The following PALD1 variants were observed in gnomAD, a reference collection of about 807,000 sequenced individuals.
The protein encoded by PALD1 is phosphatase domain containing paladin 1.
Under a neutral mutation model 96.0 loss-of-function variants are expected in PALD1, and 57 were observed. The observed-to-expected ratio is 0.59, with a 90% CI of 0.48 to 0.74. The LOEUF (loss-of-function observed/expected upper bound fraction) is 0.74. PALD1 is among the 30% of genes least tolerant of loss of function. The pLI is 0.00. For missense variants in PALD1, 1,063 were observed against 1,143.7 expected (o/e 0.93, Z 1.02); for synonymous variants, 464 against 473.6 (o/e 0.98, Z 0.26).
At chr10:70,556,022 C>G (rs1393208841) in intron 18 of PALD1, among the ~76,000 whole-genome samples, 7 of 151,862 alleles carry the variant, frequency 4.6e-5, no homozygotes, top group African/African-American at 1.2e-4. Context: ...AAACAAAAAC[C>G]CTGGCTGCCA....
At position 70,526,083 on chromosome 10, in the gene PALD1, T is replaced by A; in HGVS notation, c.132T>A (p.His44Gln). ...ACTCCTTCCAGAGCACTAGCTTGCATAACAGCAAGGCCAAGTCCATCATCC... is the reference window on the plus strand; with the variant it reads ...ACTCCTTCCAGAGCACTAGCTTGCAAAACAGCAAGGCCAAGTCCATCATCC... ...SIHSFQSTSL[H>Q]NSKAKSIIPN... is the part of the protein sequence containing the mutation. Residue 44 changes from histidine (H) to glutamine (Q), a missense_variant, in exon 2 of 20, where the codon CAT becomes CAA. By Grantham distance (24) the His-to-Gln change is conservative. Coordinates refer to ENST00000263563, the MANE Select transcript of PALD1 (RefSeq NM_014431.3). The A allele has an allele frequency of 6.2e-7, 1 of 1,614,204 alleles. No individual in the cohort carries two copies. Among genetic ancestry groups the A allele is most frequent in the Non-Finnish European group, 8.5e-7 (1 of 1,180,028 alleles).
At chr10:70,518,256 G>GTTCATGCGTTCA (rs1348991083) in intron 1 of PALD1, among the ~76,000 whole-genome samples, 3 of 152,216 alleles carry the variant, frequency 2.0e-5, no homozygotes, top group African/African-American at 7.2e-5. Context: ...CTGTTCACCA[G>GTTCATGCGTTCA]TTGATGGACA....
At chr10:70,534,160 G>A (rs1485249383) in intron 8 of PALD1, 87 bp downstream of exon 8, 4 of 1,388,612 alleles carry the variant, frequency 2.9e-6, no homozygotes, top group Non-Finnish European at 3.8e-6. Flanking sequence ...ATGTCTAGGA[G>A]CCCAGAGCCA....
intron 18 of PALD1, among the ~76,000 whole-genome samples, chr10:70,559,070 C>T (rs1847677266): frequency 6.6e-6 from 1 of 152,174 alleles, no homozygotes; most frequent in African/African-American, 2.4e-5. Flanking sequence ...AGCTTATCTG[C>T]TTTCTCTCTT....
intron 1 of PALD1, among the ~76,000 whole-genome samples, chr10:70,495,192 C>G (rs921706667): frequency 8.5e-5 from 13 of 152,256 alleles, no homozygotes; most frequent in Non-Finnish European, 1.5e-4. Context: ...TGTCTTCATA[C>G]GTCGGCATAG....
chr10:70,519,734 C>T (rs552334416), intron 1 of PALD1, among the ~76,000 whole-genome samples: 10 of 152,066 alleles, frequency 6.6e-5, no homozygotes, highest in South Asian at 6.2e-4. Flanking sequence ...GCTACCACGC[C>T]GGGCTAATTT....
upstream of PALD1, among the ~76,000 whole-genome samples, chr10:70,476,716 T>C (rs535699188): frequency 2.8e-4 from 42 of 152,096 alleles, no homozygotes; most frequent in African/African-American, 9.9e-4. Flanking sequence ...ACACCTACTG[T>C]GTGTGTGGTG....
At chr10:70,480,303 G>C (rs1845906826) in intron 1 of PALD1, among the ~76,000 whole-genome samples, 1 of 152,210 alleles carries the variant, frequency 6.6e-6, no homozygotes, top group African/African-American at 2.4e-5. Flanking sequence ...CTGGGGTTTG[G>C]GGTCTAGAGC....
upstream of PALD1, among the ~76,000 whole-genome samples, chr10:70,474,855 G>A (rs1239819086): frequency 6.6e-6 from 1 of 152,192 alleles, no homozygotes; most frequent in African/African-American, 2.4e-5. Context: ...CCCAGGGCCT[G>A]GCAGGGAAGG....
chr10:70,541,068 G>T (rs779300087), intron 15 of PALD1, 34 bp from the exon 16 acceptor site: 8 of 1,553,262 alleles, frequency 5.2e-6, no homozygotes, highest in Admixed American at 2.0e-5. Context: ...TCCAAGAGAC[G>T]CCCGCTGACC....
chr10:70,563,786 G>A (rs1439810877), intron 18 of PALD1, among the ~76,000 whole-genome samples: 1 of 152,214 alleles, frequency 6.6e-6, no homozygotes, highest in Non-Finnish European at 1.5e-5. Flanking sequence ...GGGGTGGATT[G>A]AGGGGAGGAG....
chr10:70,487,711 A>C (rs1846036407), intron 1 of PALD1, among the ~76,000 whole-genome samples: 1 of 152,146 alleles, frequency 6.6e-6, no homozygotes, highest in Non-Finnish European at 1.5e-5. Context: ...AAAAAAACAA[A>C]AAAACAAAAA....
At chr10:70,502,774 C>G (rs1846323128) in intron 1 of PALD1, among the ~76,000 whole-genome samples, 2 of 152,174 alleles carry the variant, frequency 1.3e-5, no homozygotes, top group Admixed American at 1.3e-4. Context: ...GAGCCCGTCC[C>G]CAGTGCCCAT....
Position 70,566,856 on chromosome 10 carries a change from A to G in PALD1, c.*123A>G. On this transcript the variant is annotated 3_prime_UTR_variant, in exon 20 of 20. Coordinates refer to ENST00000263563, the MANE Select transcript of PALD1 (RefSeq NM_014431.3). ...TTGAAATGATTCCCCCACTTCCTGG[A>G]GAGACTGAGCGGAGTTGGGAGCCTT... The G allele has an allele frequency of 1.6e-6, 1 of 638,592 alleles. No individual in the cohort carries two copies. The highest frequency in any genetic ancestry group is 2.1e-5 in the South Asian group (1 of 48,338). 39.6% of individuals were successfully genotyped at this position (638,592 alleles called of 1,614,324 possible). A position where few individuals can be genotyped will look rare whatever the true frequency, so the allele number is the denominator to read the frequency against.
At chr10:70,512,539 T>G (rs546024649) in intron 1 of PALD1, among the ~76,000 whole-genome samples, 1 of 152,318 alleles carries the variant, frequency 6.6e-6, no homozygotes, top group East Asian at 1.9e-4. Context: ...CTCTTCTTAG[T>G]GTGGTCAGAG....
chr10:70,548,165 C>T (rs1847406234), intron 18 of PALD1, among the ~76,000 whole-genome samples: 1 of 151,962 alleles, frequency 6.6e-6, no homozygotes, highest in Non-Finnish European at 1.5e-5. Context: ...ATTAGCCGGG[C>T]ATGGTGGCAG....
rs140952910 is a variant in PALD1, at chr10:70,523,768, G to T, written c.-29-2155G>T. ...GGTGACAGGCGTGAGTGGGGTTGGGGGTGGGAGGATCTTTCCAGACTGGAG... is the reference window on the plus strand; with the variant it reads ...GGTGACAGGCGTGAGTGGGGTTGGGTGTGGGAGGATCTTTCCAGACTGGAG... On this transcript the variant is annotated intron_variant, in intron 1 of 19. Coordinates refer to ENST00000263563, the MANE Select transcript of PALD1 (RefSeq NM_014431.3). 5.6e-3 allele frequency among the ~76,000 whole-genome samples: 846 copies of T among 152,244 alleles called. 4 individuals are homozygous for T. Among genetic ancestry groups the T allele is most frequent in the Non-Finnish European group, 8.9e-3 (607 of 68,018 alleles).
intron 1 of PALD1, among the ~76,000 whole-genome samples, chr10:70,525,250 G>A (rs1036641155): frequency 4.0e-5 from 6 of 151,726 alleles, no homozygotes; most frequent in East Asian, 1.9e-4. Context: ...GGTCTCAAGC[G>A]ATCTGCCTGC....
chr10:70,488,728 G>A (rs1321896967), intron 1 of PALD1, among the ~76,000 whole-genome samples: 2 of 152,178 alleles, frequency 1.3e-5, no homozygotes, highest in African/African-American at 2.4e-5. Context: ...GGCTTGGCGA[G>A]GCTTTGGGAG....
Sources: gnomAD v4.1 joint callset for allele counts (sites outside exome capture counted in the v4.1 genomes callset) on GRCh38, gnomAD v4.1.1 for gene constraint, MANE v1.5 for transcripts, NCBI Gene and HGNC (gene_info 2026-07-23, HGNC 2026-07-21) for gene names.